Variants in ROBO2 observed in about 807,000 individuals in gnomAD.
ROBO2 encodes the protein roundabout guidance receptor 2.
Under a neutral mutation model 160.8 loss-of-function variants are expected in ROBO2, and 53 were observed. The ratio of observed to expected loss-of-function variants is 0.33; its 90% CI spans 0.26 to 0.41. The LOEUF is 0.41. ROBO2 is among the 10% of genes least tolerant of loss of function. ROBO2 has a pLI of 1.00. For synonymous variants in ROBO2, 664 were observed against 611.7 expected, an observed-to-expected ratio of 1.09 and a Z score of -1.26; for missense variants, 1,577 against 1,722.4, an observed-to-expected ratio of 0.92 and a Z score of 1.49.
intron 5 of ROBO2, among the ~76,000 whole-genome samples, chr3:77,505,534 T>C (rs772976551): frequency 6.6e-6 from 1 of 152,122 alleles, no homozygotes; most frequent in Non-Finnish European, 1.5e-5. Flanking sequence ...CAAGGTAGAA[T>C]TGATTGTGAG....
intron 2 of ROBO2, among the ~76,000 whole-genome samples, chr3:76,121,240 G>T (rs1034445129): frequency 6.6e-6 from 1 of 152,094 alleles, no homozygotes; most frequent in African/African-American, 2.4e-5. Flanking sequence ...GTAGCAATTT[G>T]GGAGATTACT....
intron 2 of ROBO2, among the ~76,000 whole-genome samples, chr3:76,749,802 C>T (rs768735873): frequency 6.6e-6 from 1 of 151,784 alleles, no homozygotes; most frequent in Admixed American, 6.6e-5. Context: ...TAGGTAGGGT[C>T]AGGTTTAAGA....
rs148983670 is a variant in ROBO2, at chr3:77,018,330, G to A, written c.110-79684G>A. Among the ~76,000 whole-genome samples, 15 of 152,192 alleles carry A rather than the reference G, an allele frequency of 9.9e-5. No individual in the cohort carries two copies. In the East Asian group the frequency reaches 1.9e-3, roughly 20 times the overall value. On this transcript the variant is annotated intron_variant, in intron 2 of 26. Transcript: ENST00000487694. ...GAACCTGACCTCAAGTGATCTGCCC[G>A]CCTCAGCCTCCCACAGTGTTGGGAT...
At chr3:77,278,148 T>C (rs2060015550) in intron 2 of ROBO2, among the ~76,000 whole-genome samples, 1 of 152,158 alleles carries the variant, frequency 6.6e-6, no homozygotes. Flanking sequence ...ATATTTTGGT[T>C]CTTATAGATG....
intron 2 of ROBO2, among the ~76,000 whole-genome samples, chr3:76,897,712 C>CTTT (rs11298034): frequency 6.9e-6 from 1 of 145,418 alleles, no homozygotes; most frequent in Non-Finnish European, 1.5e-5. Context: ...GTGGCCCTCA[C>CTTT]TTTTTTTTTT....
At chr3:76,218,591 G>A (rs1201188683) in intron 2 of ROBO2, among the ~76,000 whole-genome samples, 2 of 152,074 alleles carry the variant, frequency 1.3e-5, no homozygotes, top group African/African-American at 4.8e-5. Context: ...AAATACCTAG[G>A]AATCCAACTT....
At chr3:76,510,939 T>C (rs908679944) in intron 2 of ROBO2, among the ~76,000 whole-genome samples, 1 of 152,134 alleles carries the variant, frequency 6.6e-6, no homozygotes, top group South Asian at 2.1e-4. Flanking sequence ...AATGGAATGG[T>C]TGCAGAAATT....
chr3:76,046,512 G>A (rs567202998), intron 2 of ROBO2, among the ~76,000 whole-genome samples: 3 of 151,102 alleles, frequency 2.0e-5, no homozygotes, highest in Admixed American at 6.6e-5. Flanking sequence ...AGCCGGGCGT[G>A]GTGGCAGCGC....
At chr3:76,738,398 TTTG>T (rs2093749621) in intron 2 of ROBO2, among the ~76,000 whole-genome samples, 2 of 152,178 alleles carry the variant, frequency 1.3e-5, no homozygotes, top group South Asian at 4.2e-4. Flanking sequence ...CAAATAATAT[TTTG>T]TTGTGGGAGG....
rs1468733849 is a variant in ROBO2, at chr3:76,751,522, A to G, written c.110-346492A>G. ...GTGAATAGGCAATGTACAGAATGGG[A>G]GAAAATGTTTGCAATCTACTCATCT... On this transcript the variant is annotated intron_variant, in intron 2 of 26. Coordinates refer to the ROBO2 transcript ENST00000487694. Among the ~76,000 whole-genome samples, 3 of 152,296 alleles carry G rather than the reference A, an allele frequency of 2.0e-5. No individual in the cohort carries two copies. In the East Asian group the frequency reaches 5.8e-4, roughly 29 times the overall value.
intron 2 of ROBO2, among the ~76,000 whole-genome samples, chr3:76,735,220 A>T (rs547121803): frequency 1.3e-5 from 2 of 152,368 alleles, no homozygotes; most frequent in East Asian, 1.9e-4. Context: ...ATTAAAAAGA[A>T]TATGGTACAT....
chr3:77,071,729 A>G lies in ROBO2; in HGVS notation c.62-26285A>G, dbSNP rs185978761. Among the ~76,000 whole-genome samples, 10 of 152,244 alleles carry G rather than the reference A, an allele frequency of 6.6e-5. No individual in the cohort carries two copies. The East Asian group carries it at 1.9e-3, about 30-fold the overall frequency. ...GTTCCAGGGTCTTTCTAGGCCATTT[A>G]AAACGTGATTAGGAAACCATCAGTT... On this transcript the variant is annotated intron_variant, in intron 1 of 25. Coordinates refer to ENST00000461745, the Ensembl canonical transcript of ROBO2.
At chr3:76,611,544 G>C (rs575593782) in intron 2 of ROBO2, among the ~76,000 whole-genome samples, 1 of 151,968 alleles carries the variant, frequency 6.6e-6, no homozygotes. Flanking sequence ...TAGGTTTTCC[G>C]ATTTATTGGC....
At chr3:76,744,769 A>C (rs555003462) in intron 2 of ROBO2, among the ~76,000 whole-genome samples, 91 of 82,984 alleles carry the variant, frequency 1.1e-3, no homozygotes, top group African/African-American at 5.0e-3. Context: ...TCTACTAAAA[A>C]CTCAAATTTA....
intron 2 of ROBO2, among the ~76,000 whole-genome samples, chr3:76,881,208 G>A (rs1225281160): frequency 6.6e-6 from 1 of 152,120 alleles, no homozygotes; most frequent in African/African-American, 2.4e-5. Flanking sequence ...GTCAGAGTGC[G>A]GAGAATTATA....
chr3:77,375,953 T>C (rs2072587484), intron 2 of ROBO2, among the ~76,000 whole-genome samples: 1 of 151,298 alleles, frequency 6.6e-6, no homozygotes, highest in Admixed American at 6.6e-5. Flanking sequence ...AGGAAGCCAA[T>C]TCAGACCAAG....
chr3:77,609,170 A>C (rs1008501903), intron 21 of ROBO2, among the ~76,000 whole-genome samples: 1 of 151,864 alleles, frequency 6.6e-6, no homozygotes, highest in Non-Finnish European at 1.5e-5. Flanking sequence ...TCTCTCTGAG[A>C]CTGTAGCACT....
chr3:76,264,139 T>A (rs541036518), intron 2 of ROBO2, among the ~76,000 whole-genome samples: 1 of 152,134 alleles, frequency 6.6e-6, no homozygotes, highest in East Asian at 1.9e-4. Context: ...AAAACCTAGA[T>A]GACAGGTTGA....
At chr3:77,046,194 A>G (rs1216869281) in intron 1 of ROBO2, among the ~76,000 whole-genome samples, 2 of 152,230 alleles carry the variant, frequency 1.3e-5, no homozygotes, top group Non-Finnish European at 2.9e-5. Context: ...CAGCTGTGCT[A>G]CTTTACATTG....
Sources: gnomAD v4.1 joint callset for allele counts (sites outside exome capture counted in the v4.1 genomes callset) on GRCh38, gnomAD v4.1.1 for gene constraint, MANE v1.5 for transcripts, NCBI Gene and HGNC (gene_info 2026-07-23, HGNC 2026-07-21) for gene names.